CENPT: variants seen among roughly 807,000 people sequenced by gnomAD.
CENPT encodes interphase centromere complex protein 22.
CENPT carries 42 observed loss-of-function variants against 59.7 expected under a neutral mutation model. The ratio of observed to expected loss-of-function variants is 0.70; its 90% CI spans 0.55 to 0.91. CENPT has a LOEUF of 0.91. CENPT is among the 40% of genes least tolerant of loss of function. CENPT has a pLI of 0.00. For synonymous variants in CENPT, 295 were observed against 289.6 expected (o/e 1.02, Z -0.19); for missense variants, 716 against 713.4 (o/e 1.00, Z -0.04).
intron 13 of CENPT, 99 bp from the exon 14 acceptor site, chr16:67,828,942 G>C: frequency 7.5e-7 from 1 of 1,334,384 alleles, no homozygotes; most frequent in Non-Finnish European, 1.0e-6. Context: ...GGGACCACGT[G>C]GCCCTTGGCC....
In CENPT at chr16:67,842,802, G is replaced by C; in HGVS notation, c.-492+4599C>G. On this transcript the variant is annotated intron_variant, in intron 1 of 15. Transcript: ENST00000562787. This position sits in a 1 kb window ranked among gnomAD's most constrained non-coding sequence, Gnocchi z 4.9. The stretch of plus-strand genomic sequence containing the variant: ...CGCGTCCCCACCATCTTCCCGCTGC[G>C]CGGCGTCAATGAGCGCAAAGTAGCG... 1 of 1,610,990 alleles carries C rather than the reference G, an allele frequency of 6.2e-7. No individual in the cohort carries two copies. Among genetic ancestry groups the C allele is most frequent in the Non-Finnish European group, 8.5e-7 (1 of 1,179,204 alleles).
At position 67,842,508 on chromosome 16, in the gene CENPT, A is replaced by C; in HGVS notation, c.-492+4893T>G. 7.0e-7 allele frequency: 1 copy of C among 1,423,384 alleles called. No individual in the cohort carries two copies. The highest frequency in any genetic ancestry group is 9.2e-7 in the Non-Finnish European group (1 of 1,090,996). 88.2% of individuals were successfully genotyped at this position (1,423,384 alleles called of 1,614,324 possible). On this transcript the variant is annotated intron_variant, in intron 1 of 15. Coordinates refer to ENST00000562787, the MANE Select transcript of CENPT (RefSeq NM_025082.4). This position sits in a 1 kb window ranked among gnomAD's most constrained non-coding sequence, Gnocchi z 4.9. ...CGGCGGCGTAGCCACTGGGCCGTCGAAGAGCGCAGGAGGCCGGTGGGCCGG... is the reference window on the plus strand; with the variant it reads ...CGGCGGCGTAGCCACTGGGCCGTCGCAGAGCGCAGGAGGCCGGTGGGCCGG...
chr16:67,828,346 T>C lies in CENPT; in HGVS notation c.1607A>G (p.Glu536Gly). 6.2e-7 allele frequency: 1 copy of C among 1,609,540 alleles called. No individual in the cohort carries two copies. Among genetic ancestry groups the C allele is most frequent in the Non-Finnish European group, 8.5e-7 (1 of 1,176,564 alleles). The change falls in exon 16 of 16, where the codon GAG becomes GGG. Residue 536 changes from glutamate (E) to glycine (G), a missense_variant. Glu to Gly is a moderately conservative substitution (Grantham distance 98). Transcript: ENST00000562787. ...CCGGTACTCCAGGGGCAGGTGCCGC[T>C]CCACTAGCACGTGCAGTGAGACTTG... ...TDQVSLHVLV[E>G]RHLPLEYRQL...
intron 1 of CENPT, among the ~76,000 whole-genome samples, chr16:67,844,521 C>G (rs922901077): frequency 1.1e-4 from 17 of 152,342 alleles, no homozygotes; most frequent in African/African-American, 4.1e-4. Flanking sequence ...CTGAGGGTTT[C>G]AATTCTCAGC....
At position 67,833,989 on chromosome 16, in the gene CENPT, G is replaced by C. The variant is rs768867682; in HGVS notation, c.-130C>G. The stretch of plus-strand genomic sequence containing the variant: ...GAATTGTAGTTCTCGCACTATCGCA[G>C]CTCGCGGGGTGGACAGTGATGGTTG... On this transcript the variant is annotated 5_prime_UTR_variant, in exon 4 of 16. Transcript: ENST00000562787. 3 of 599,842 alleles carry C rather than the reference G, an allele frequency of 5.0e-6. No homozygotes were observed. Among genetic ancestry groups the C allele is most frequent in the East Asian group, 3.5e-5 (1 of 28,782 alleles). 37.2% of individuals were successfully genotyped at this position (599,842 alleles called of 1,614,324 possible).
chr16:67,836,070 T>C (rs540463670), intron 1 of CENPT, among the ~76,000 whole-genome samples: 6 of 149,722 alleles, frequency 4.0e-5, no homozygotes, highest in African/African-American at 1.2e-4. Flanking sequence ...TTTTGTTTTT[T>C]GTTTTTTGAG....
At chr16:67,846,913 G>A (rs1460885535) in intron 1 of CENPT, 1 of 152,464 alleles carries the variant, frequency 6.6e-6, no homozygotes, top group Non-Finnish European at 1.5e-5. Flanking sequence ...AGGAAGGCAG[G>A]GGGGAAGGGA....
At chr16:67,832,616 A>AT in intron 4 of CENPT, 71 bp from the exon 5 acceptor site, 1 of 1,380,558 alleles carries the variant, frequency 7.2e-7, no homozygotes, top group South Asian at 1.2e-5. Context: ...ACATGCCTTC[A>AT]TCAGGGGTCT....
chr16:67,841,193 CAAAAAA>C (rs772893427), intron 1 of CENPT, among the ~76,000 whole-genome samples: 2 of 27,572 alleles, frequency 7.3e-5, no homozygotes, highest in African/African-American at 1.0e-4. Context: ...GACTCCTTTA[CAAAAAA>C]AAAAAAAAAA....
At position 67,839,448 on chromosome 16, in the gene CENPT, T is replaced by C. The variant is rs142880744; in HGVS notation, c.-491-3790A>G. Among the ~76,000 whole-genome samples the C allele has an allele frequency of 4.8e-4, 72 of 151,026 alleles. No individual in the cohort carries two copies. The East Asian group carries it at 0.013, about 28-fold the overall frequency. The stretch of plus-strand genomic sequence containing the variant: ...GGTCGTGCACACCTGTAATCCCAGT[T>C]ACCTGGGAGGCTAAGGCAGAAGAAT... On this transcript the variant is annotated intron_variant, in intron 1 of 15. Transcript: ENST00000562787.
intron 1 of CENPT, among the ~76,000 whole-genome samples, chr16:67,838,625 A>AAAAAAAAAAG (rs1481587744): frequency 1.3e-4 from 19 of 151,734 alleles, no homozygotes; most frequent in Admixed American, 1.2e-3. Flanking sequence ...CCGTCTCAAA[A>AAAAAAAAAAG]AAAAAAAAAG....
chr16:67,842,948 C>CAGT lies in CENPT; in HGVS notation c.-492+4450_-492+4452dup. 2.5e-6 allele frequency: 4 copies of CAGT among 1,606,070 alleles called. No homozygotes were observed. Among genetic ancestry groups the CAGT allele is most frequent in the East Asian group, 2.2e-5 (1 of 44,876 alleles). On this transcript the variant is annotated intron_variant, in intron 1 of 15. Transcript: ENST00000562787. This position sits in a 1 kb window ranked among gnomAD's most constrained non-coding sequence, Gnocchi z 4.9. The stretch of plus-strand genomic sequence containing the variant: ...GCAGCAGCAGCAGCAGCAGCAGCAG[C>CAGT]AGTCCTCACCCTCTGCCTCCACTGC...
Position 67,834,113 on chromosome 16 carries a change from G to A in CENPT, c.-241-13C>T. On this transcript the variant is annotated splice_polypyrimidine_tract_variant and intron_variant, in intron 3 of 15. Transcript: ENST00000562787. ...TTGGCTTCTTCATCTGTAAATTGAG[G>A]TTGATACCCACCTGATAAGGAGCTT... 4.8e-6 allele frequency: 2 copies of A among 418,376 alleles called. No homozygotes were observed. Among genetic ancestry groups the A allele is most frequent in the South Asian group, 9.9e-5 (2 of 20,120 alleles). 25.9% of individuals were successfully genotyped at this position (418,376 alleles called of 1,614,324 possible).
At chr16:67,837,059 C>T (rs1441793400) in intron 1 of CENPT, among the ~76,000 whole-genome samples, 1 of 150,876 alleles carries the variant, frequency 6.6e-6, no homozygotes, top group Non-Finnish European at 1.5e-5. Flanking sequence ...TTAGTAGAGA[C>T]GAGGTTTCGC....
intron 1 of CENPT, among the ~76,000 whole-genome samples, chr16:67,845,324 G>A (rs542193239): frequency 4.6e-5 from 7 of 152,178 alleles, no homozygotes; most frequent in Non-Finnish European, 8.8e-5. Context: ...GCAACATGCT[G>A]GGATGGTCCT....
chr16:67,843,361 T>C lies in CENPT; in HGVS notation c.-492+4040A>G. On this transcript the variant is annotated intron_variant, in intron 1 of 15. Transcript: ENST00000562787. This position sits in a 1 kb window ranked among gnomAD's most constrained non-coding sequence, Gnocchi z 5.7. ...TGAATGAGCAGCGGGACATCCTGGC[T>C]CTGATGGAAGTGAAGATGAAAGAGA... is the stretch of plus-strand genomic sequence containing the variant. The C allele has an allele frequency of 6.2e-7, 1 of 1,613,924 alleles. No individual in the cohort carries two copies. The highest frequency in any genetic ancestry group is 8.5e-7 in the Non-Finnish European group (1 of 1,180,034).
Position 67,831,199 on chromosome 16 carries a change from G to A in CENPT, c.703+17C>T. On this transcript the variant is annotated intron_variant, in intron 10 of 15. Coordinates refer to ENST00000562787, the MANE Select transcript of CENPT (RefSeq NM_025082.4). ...AGAGCTTTCCCCAAAGGCCAGCAGG[G>A]GAAAACCCAACCTTACTTGGAGGAG... 10 of 1,613,794 alleles carry A rather than the reference G, an allele frequency of 6.2e-6. No homozygotes were observed. Among genetic ancestry groups the A allele is most frequent in the Non-Finnish European group, 8.5e-6 (10 of 1,179,978 alleles).
chr16:67,837,286 ACCTC>A (rs2057739672), intron 1 of CENPT, among the ~76,000 whole-genome samples: 3 of 149,388 alleles, frequency 2.0e-5, no homozygotes, highest in African/African-American at 7.4e-5. Context: ...CCATCCTCCC[ACCTC>A]AGCCTTCTGA....
intron 1 of CENPT, among the ~76,000 whole-genome samples, chr16:67,838,222 AT>A (rs2057743445): frequency 6.6e-6 from 1 of 152,228 alleles, no homozygotes; most frequent in South Asian, 2.1e-4. Context: ...AATTACATCA[AT>A]TTGGCCTCTC....
Sources: gnomAD v4.1 joint callset for allele counts (sites outside exome capture counted in the v4.1 genomes callset) on GRCh38, gnomAD v4.1.1 for gene constraint, Gnocchi (gnomAD v3.1) non-coding constraint, MANE v1.5 for transcripts, NCBI Gene and HGNC (gene_info 2026-07-23, HGNC 2026-07-21) for gene names.